Variants in SYTL5 observed in about 807,000 individuals in gnomAD.
The protein encoded by SYTL5 is synaptotagmin like 5.
In SYTL5, 34 loss-of-function variants were observed where a neutral mutation model predicts 55.9. The ratio of observed to expected loss-of-function variants is 0.61; its 90% CI spans 0.46 to 0.81. The LOEUF (loss-of-function observed/expected upper bound fraction) is 0.81, where lower values mean the gene tolerates loss of function less well. Ranked by LOEUF, SYTL5 falls within the 30% of genes least tolerant of loss-of-function variation. The pLI is 0.00. For missense variants in SYTL5, 637 were observed against 546.7 expected (o/e 1.17, Z -1.65); for synonymous variants, 221 against 188.7 (o/e 1.17, Z -1.40).
intron 1 of SYTL5, among the ~76,000 whole-genome samples, chrX:38,007,696 A>G (rs1934037553): frequency 9.0e-6 from 1 of 111,545 alleles, no homozygotes; most frequent in African/African-American, 3.2e-5. Context: ...AAGTGTTACA[A>G]TTCATACCCT....
At chrX:38,109,978 A>G (rs1937318256) in intron 12 of SYTL5, among the ~76,000 whole-genome samples, 1 of 111,249 alleles carries the variant, frequency 9.0e-6, no homozygotes, top group Admixed American at 9.6e-5. Context: ...TTGAGCTTAC[A>G]AAGTAGGTAT....
intron 3 of SYTL5, among the ~76,000 whole-genome samples, chrX:38,055,664 A>G (rs1272056965): frequency 1.8e-5 from 2 of 111,775 alleles, no homozygotes; most frequent in African/African-American, 6.5e-5. Flanking sequence ...GTGATCTTTC[A>G]TTTTCATCTT....
chrX:37,966,681 C>T, the SYTL5 span, among the ~76,000 whole-genome samples: 1 of 111,145 alleles, frequency 9.0e-6, no homozygotes, highest in East Asian at 2.8e-4. Flanking sequence ...TGTGATCCGC[C>T]TGCCTTGGCC....
chrX:38,039,776 A>C (rs772947678), intron 2 of SYTL5, among the ~76,000 whole-genome samples: 1 of 112,352 alleles, frequency 8.9e-6, no homozygotes, highest in East Asian at 2.8e-4. Context: ...TTGCCTTACA[A>C]CATAACATTT....
At chrX:37,985,958 T>G in the SYTL5 span, among the ~76,000 whole-genome samples, 2 of 110,953 alleles carry the variant, frequency 1.8e-5, no homozygotes, top group African/African-American at 6.5e-5. Context: ...CATAGCCACA[T>G]GCAAAAGAAA....
At position 38,102,423 on chromosome X, in the gene SYTL5, G is replaced by A; in HGVS notation, c.1144G>A (p.Gly382Ser). Residue 382 changes from glycine (G) to serine (S), a missense_variant, in exon 10 of 17, where the codon GGC becomes AGC. Gly to Ser is a moderately conservative substitution (Grantham distance 56, BLOSUM62 0). Coordinates refer to ENST00000297875, the MANE Select transcript of SYTL5 (RefSeq NM_138780.3). The stretch of plus-strand genomic sequence containing the variant: ...TACAAACACTCACCGTCTGGCAAGT[G>A]GCCTATCAACTGTAAGCAGTTCACT... ...LSTNTHRLAS[G>S]LSTTSLNSMM... is the part of the protein sequence containing the mutation. 6 of 1,199,558 alleles carry A rather than the reference G, an allele frequency of 5.0e-6. No individual in the cohort carries two copies. The highest frequency in any genetic ancestry group is 1.7e-5 in the African/African-American group (1 of 57,517).
the SYTL5 span, chrX:37,991,216 A>G: frequency 8.4e-7 from 1 of 1,195,271 alleles, no homozygotes. Flanking sequence ...AGAGCCTTGA[A>G]GGGAACCTCA....
the SYTL5 span, among the ~76,000 whole-genome samples, chrX:37,935,040 A>T: frequency 3.6e-5 from 4 of 112,362 alleles, no homozygotes; most frequent in Non-Finnish European, 5.6e-5. Context: ...ACTCAAAGAG[A>T]TCTACATTTA....
chrX:37,996,487 G>A, the SYTL5 span, among the ~76,000 whole-genome samples: 1 of 112,642 alleles, frequency 8.9e-6, no homozygotes, highest in Non-Finnish European at 1.9e-5. Context: ...GCCCAAGTGG[G>A]CAAGGACAGA....
rs1463720946 is a variant in SYTL5 at position 38,078,291 on chromosome X, C to T, written c.689+1590C>T. Among the ~76,000 whole-genome samples, 3 of 107,406 alleles carry T rather than the reference C, an allele frequency of 2.8e-5. No individual in the cohort carries two copies. In the East Asian group the frequency reaches 8.7e-4, roughly 31 times the overall value. 93.3% of individuals were successfully genotyped at this position (107,406 alleles called of 115,157 possible). The stretch of plus-strand genomic sequence containing the variant: ...GTTTTTTTTTTTTGAGATGGAGTCT[C>T]GCTCTGTCTCCCGGGCTGGAGTGCA... On this transcript the variant is annotated intron_variant, in intron 6 of 16. Coordinates refer to ENST00000297875, the MANE Select transcript of SYTL5 (RefSeq NM_138780.3).
the SYTL5 span, among the ~76,000 whole-genome samples, chrX:37,905,438 T>TCG: frequency 1.1e-3 from 53 of 46,276 alleles, no homozygotes; most frequent in South Asian, 2.7e-3. Context: ...TGTGTGTGTG[T>TCG]GGGGGGGGCG....
At chrX:38,108,776 T>A in intron 12 of SYTL5, 77 bp downstream of exon 12, 2 of 627,009 alleles carry the variant, frequency 3.2e-6, no homozygotes, top group Non-Finnish European at 5.0e-6. Flanking sequence ...CTACAGAGAA[T>A]ATTTTATTTG....
At chrX:37,927,776 A>AAAAAC in the SYTL5 span, among the ~76,000 whole-genome samples, 470 of 110,899 alleles carry the variant, frequency 4.2e-3, 2 homozygotes, top group African/African-American at 0.015. Context: ...ACTCTGTCTC[A>AAAAAC]AAAACAAAAC....
At chrX:37,897,304 G>A in the SYTL5 span, among the ~76,000 whole-genome samples, 5 of 109,989 alleles carry the variant, frequency 4.5e-5, no homozygotes, top group Admixed American at 9.7e-5. Flanking sequence ...CCAATATGGC[G>A]AAACCCCATC....
the SYTL5 span, chrX:37,906,664 C>T: frequency 1.8e-5 from 2 of 112,296 alleles, no homozygotes; most frequent in African/African-American, 6.5e-5. Flanking sequence ...TCGAAATGTT[C>T]CGGAGGCACA....
upstream of SYTL5, among the ~76,000 whole-genome samples, chrX:38,002,710 T>C (rs1188803899): frequency 1.8e-5 from 2 of 111,915 alleles, no homozygotes; most frequent in Non-Finnish European, 3.8e-5. Flanking sequence ...TTTGATGGGG[T>C]TGTTTGTCTT....
In SYTL5 at chrX:38,110,435, T is replaced by G; in HGVS notation, c.1549T>G (p.Trp517Gly). The change falls in exon 13 of 17, where the codon TGG becomes GGG. Residue 517 changes from tryptophan (W) to glycine (G), a missense_variant. By Grantham distance (184) the Trp-to-Gly change is radical. Coordinates refer to ENST00000297875, the MANE Select transcript of SYTL5 (RefSeq NM_138780.3). The part of the protein sequence containing the change: ...LGEVEIPFDS[W>G]NFENPTDEWF... ...GGAAGTAGAGATTCCTTTTGACTCA[T>G]GGAACTTTGAAAATCCAACTGATGA... The G allele has an allele frequency of 8.3e-7, 1 of 1,208,438 alleles. No individual in the cohort carries two copies.
chrX:37,918,893 T>G, the SYTL5 span, among the ~76,000 whole-genome samples: 1 of 110,490 alleles, frequency 9.1e-6, no homozygotes. Flanking sequence ...GACTACTAGA[T>G]TATAAACCAC....
chrX:37,966,041 T>A, the SYTL5 span, among the ~76,000 whole-genome samples: 3 of 112,479 alleles, frequency 2.7e-5, no homozygotes, highest in African/African-American at 9.7e-5. Context: ...TCTTATTTTT[T>A]TACCCATTCA....
Sources: gnomAD v4.1 joint callset for allele counts (sites outside exome capture counted in the v4.1 genomes callset) on GRCh38, gnomAD v4.1.1 for gene constraint, MANE v1.5 for transcripts, NCBI Gene and HGNC (gene_info 2026-07-23, HGNC 2026-07-21) for gene names.